The following ARFGEF1 variants were observed in gnomAD, a reference collection of about 807,000 sequenced individuals.
ARFGEF1 encodes the protein ARF guanine nucleotide exchange factor 1.
In ARFGEF1, 42 loss-of-function variants were observed where a neutral mutation model predicts 231.0. The observed-to-expected ratio is 0.18, with a 90% CI of 0.14 to 0.24. The LOEUF is 0.24. Among genes scored for constraint, ARFGEF1 ranks in the 10% least tolerant of loss-of-function variants. ARFGEF1 has a pLI of 1.00. For synonymous variants in ARFGEF1, 710 were observed against 732.3 expected (o/e 0.97, Z 0.49); for missense variants, 1,345 against 2,192.0 (o/e 0.61, Z 7.72).
chr8:67,269,314 T>G (rs1804974666), intron 10 of ARFGEF1, among the ~76,000 whole-genome samples: 1 of 151,844 alleles, frequency 6.6e-6, no homozygotes, highest in Non-Finnish European at 1.5e-5. Context: ...GTTTTGCAAA[T>G]TTAGGTTTTC....
At chr8:67,244,204 C>T (rs1232596754) in intron 19 of ARFGEF1, among the ~76,000 whole-genome samples, 3 of 131,780 alleles carry the variant, frequency 2.3e-5, no homozygotes, top group Admixed American at 1.7e-4. Flanking sequence ...GATCATGCCA[C>T]TGCACTCCAG....
intron 15 of ARFGEF1, among the ~76,000 whole-genome samples, 182 bp downstream of exon 15, chr8:67,259,633 G>A (rs1313598124): frequency 6.6e-6 from 1 of 152,124 alleles, no homozygotes; most frequent in African/African-American, 2.4e-5. Context: ...ACAGAAACGG[G>A]GCCAGGCGTG....
intron 22 of ARFGEF1, 66 bp downstream of exon 22, chr8:67,238,277 C>A: frequency 7.1e-7 from 1 of 1,416,978 alleles, no homozygotes; most frequent in South Asian, 1.5e-5. Context: ...TATTTCATTA[C>A]TACAATAAAG....
At chr8:67,340,334 T>C (rs1808569584) in intron 1 of ARFGEF1, among the ~76,000 whole-genome samples, 1 of 152,204 alleles carries the variant, frequency 6.6e-6, no homozygotes, top group Non-Finnish European at 1.5e-5. Context: ...TCTCTGTATC[T>C]TCACCATCCA....
intron 9 of ARFGEF1, among the ~76,000 whole-genome samples, chr8:67,275,249 T>TGA (rs1805263451): frequency 8.5e-4 from 1 of 1,174 alleles, no homozygotes; most frequent in Non-Finnish European, 1.4e-3. Context: ...TGCTGCAATA[T>TGA]TAGAGGTGGG....
chr8:67,297,987 G>A (rs1806312469), intron 4 of ARFGEF1, among the ~76,000 whole-genome samples: 1 of 151,900 alleles, frequency 6.6e-6, no homozygotes, highest in South Asian at 2.1e-4. Context: ...ATTATTTTTT[G>A]TAGAGACAGG....
chr8:67,222,361 G>A (rs1257654162), intron 29 of ARFGEF1, among the ~76,000 whole-genome samples: 1 of 150,110 alleles, frequency 6.7e-6, no homozygotes, highest in Non-Finnish European at 1.5e-5. Flanking sequence ...CGCCTCCTGG[G>A]TTCAAACAAT....
Position 67,343,153 on chromosome 8 carries a change from TC to T in ARFGEF1, c.124+10del. ...CAAGCACCCCATCCCCCGGGCCTCC[TC>T]CCCGCTCACCTAACGCCACCTCGCA... On this transcript the variant is annotated intron_variant, in intron 1 of 38. Coordinates refer to ENST00000262215, the MANE Select transcript of ARFGEF1 (RefSeq NM_006421.5). The T allele has an allele frequency of 9.6e-7, 1 of 1,036,596 alleles. No homozygotes were observed. Among genetic ancestry groups the T allele is most frequent in the Non-Finnish European group, 1.2e-6 (1 of 836,120 alleles). The allele number at this position is 1,036,596 out of a possible 1,614,324, so 64.2% of individuals were successfully genotyped here.
chr8:67,205,065 A>G (rs202216451), intron 34 of ARFGEF1, among the ~76,000 whole-genome samples: 1 of 152,222 alleles, frequency 6.6e-6, no homozygotes, highest in Non-Finnish European at 1.5e-5. Flanking sequence ...TGTCCAACCC[A>G]CAGCCTGTAT....
chr8:67,211,690 T>C, intron 33 of ARFGEF1, 75 bp from the exon 34 acceptor site: 1 of 890,042 alleles, frequency 1.1e-6, no homozygotes, highest in Non-Finnish European at 1.5e-6. Context: ...TAAAACGCTA[T>C]TTTAAAAAAT....
At chr8:67,227,676 A>G in intron 25 of ARFGEF1, 78 bp from the exon 26 acceptor site, 1 of 1,490,188 alleles carries the variant, frequency 6.7e-7, no homozygotes, top group East Asian at 2.3e-5. Context: ...TTTGTTTTAG[A>G]AAAAGTATAG....
At chr8:67,253,348 G>T in intron 18 of ARFGEF1, 103 bp downstream of exon 18, 1 of 742,072 alleles carries the variant, frequency 1.3e-6, no homozygotes, top group Non-Finnish European at 2.0e-6. Flanking sequence ...AGTAGCTGGG[G>T]ACTATAAATG....
chr8:67,232,823 C>T, intron 23 of ARFGEF1, 32 bp downstream of exon 23: 1 of 1,493,622 alleles, frequency 6.7e-7, no homozygotes, highest in Non-Finnish European at 9.1e-7. Flanking sequence ...AAATAGTAAT[C>T]ATCTGAAAAG....
At chr8:67,209,723 G>T (rs770211207) in intron 34 of ARFGEF1, among the ~76,000 whole-genome samples, 3 of 152,016 alleles carry the variant, frequency 2.0e-5, no homozygotes, top group Admixed American at 6.5e-5. Context: ...TCTTTTTTGT[G>T]AAAAGGTGAG....
At chr8:67,272,963 C>T (rs1587185343) in intron 9 of ARFGEF1, among the ~76,000 whole-genome samples, 2 of 151,756 alleles carry the variant, frequency 1.3e-5, no homozygotes, top group African/African-American at 4.8e-5. Flanking sequence ...CAAAATTATC[C>T]GAGTGTGGTG....
rs778218475 is a variant in ARFGEF1, at chr8:67,277,446, C to A, written c.1039G>T (p.Gly347Trp). ...VNIVVGDMGEGTTINASADGN... is the reference protein window; with the variant it reads ...VNIVVGDMGEWTTINASADGN... ...TCTGCACTTGCATTTATAGTAGTCCCTTCTCCCATATCTAAAATGATAAGA... is the reference window on the plus strand; with the variant it reads ...TCTGCACTTGCATTTATAGTAGTCCATTCTCCCATATCTAAAATGATAAGA... The change falls in exon 8 of 39, where the codon GGG (glycine) becomes TGG (tryptophan). Residue 347 changes from glycine (G) to tryptophan (W), a missense_variant. Physicochemically the swap from Gly to Trp is radical, Grantham distance 184 (BLOSUM62 -2). Around this residue, in one of 14 missense-constraint regions of ARFGEF1, gnomAD observed 398 missense variants for 463.2 expected, o/e 0.86. Coordinates refer to ENST00000262215, the MANE Select transcript of ARFGEF1 (RefSeq NM_006421.5). 6.2e-7 allele frequency: 1 copy of A among 1,612,430 alleles called. No individual in the cohort carries two copies. Among genetic ancestry groups the A allele is most frequent in the South Asian group, 1.1e-5 (1 of 90,970 alleles).
intron 18 of ARFGEF1, among the ~76,000 whole-genome samples, chr8:67,252,331 C>CACATAGGCT (rs1343240876): frequency 1.3e-5 from 2 of 149,014 alleles, no homozygotes; most frequent in Admixed American, 1.3e-4. Context: ...ATCTTTGTAC[C>CACATAGGCT]ACATAGGCTT....
At chr8:67,244,542 T>C (rs1336448280) in intron 19 of ARFGEF1, among the ~76,000 whole-genome samples, 1 of 149,174 alleles carries the variant, frequency 6.7e-6, no homozygotes, top group Admixed American at 6.7e-5. Flanking sequence ...TCAAGTGATC[T>C]GCCCACTTCA....
intron 29 of ARFGEF1, 95 bp downstream of exon 29, chr8:67,224,808 T>C: frequency 1.3e-6 from 1 of 786,596 alleles, no homozygotes; most frequent in Non-Finnish European, 1.8e-6. Flanking sequence ...CTTGATTTTA[T>C]GGTCTTTAAC....
Sources: allele counts gnomAD v4.1 joint callset (sites outside exome capture counted in the v4.1 genomes callset), GRCh38; gene constraint gnomAD v4.1.1; regional missense constraint gnomAD v4.1.1; transcripts MANE v1.5; gene names NCBI Gene and HGNC (gene_info 2026-07-23, HGNC 2026-07-21).